TTLL6: variants seen among roughly 807,000 people sequenced by gnomAD.
The protein encoded by TTLL6 is tubulin polyglutamylase TTLL6.
A neutral mutation model predicts 96.4 loss-of-function variants in TTLL6; 75 were observed. The observed-to-expected ratio is 0.78, with a 90% confidence interval of 0.65 to 0.94. TTLL6 has a LOEUF of 0.94. Ranked by LOEUF, TTLL6 falls within the 40% of genes least tolerant of loss-of-function variation. TTLL6 has a pLI of 0.00. For synonymous variants in TTLL6, 411 were observed against 419.4 expected, an observed-to-expected ratio of 0.98 and a Z score of 0.24; for missense variants, 1,030 against 1,093.0, an observed-to-expected ratio of 0.94 and a Z score of 0.81.
chr17:48,782,553 T>A (rs911723972), intron 13 of TTLL6, among the ~76,000 whole-genome samples: 15 of 152,238 alleles, frequency 9.9e-5, no homozygotes, highest in African/African-American at 3.4e-4. Context: ...CATGGTCTCA[T>A]TTGTCTATTT....
chr17:48,809,120 C>T (rs939598331), intron 1 of TTLL6, among the ~76,000 whole-genome samples: 1 of 151,408 alleles, frequency 6.6e-6, no homozygotes, highest in Non-Finnish European at 1.5e-5. Flanking sequence ...AGAATTGTTA[C>T]GTCAGCCAAG....
At chr17:48,778,947 A>G (rs1383179536) in intron 13 of TTLL6, among the ~76,000 whole-genome samples, 1 of 146,856 alleles carries the variant, frequency 6.8e-6, no homozygotes, top group African/African-American at 2.5e-5. Context: ...AAAAAAAAAG[A>G]TTAGCCAGGA....
At position 48,803,923 on chromosome 17, in the gene TTLL6, A is replaced by G; in HGVS notation, c.329T>C (p.Val110Ala). The stretch of plus-strand genomic sequence containing the variant: ...ATACCGGCAGCTGGATAGATTGATC[A>G]CCAATCATCTGGAAAAGAGAAAAAG... ...GKKKRKKKRL[V>A]INLSSCRYES... Residue 110 changes from valine (V) to alanine (A), a missense_variant, in exon 3 of 16, where the codon GTG becomes GCG. By Grantham distance (64) the Val-to-Ala change is moderately conservative. Transcript: ENST00000393382. The G allele has an allele frequency of 6.4e-7, 1 of 1,551,964 alleles. No individual in the cohort carries two copies. Among genetic ancestry groups the G allele is most frequent in the Non-Finnish European group, 8.7e-7 (1 of 1,147,050 alleles).
chr17:48,762,689 C>G lies in TTLL6; in HGVS notation c.*285G>C, dbSNP rs1389612178. The G allele has an allele frequency of 3.8e-6, 1 of 259,790 alleles. No individual in the cohort carries two copies. The highest frequency in any genetic ancestry group is 5.2e-5 in the Admixed American group (1 of 19,196). The allele number at this position is 259,790 out of a possible 1,614,324, so 16.1% of individuals were successfully genotyped here. A position where few individuals can be genotyped will look rare whatever the true frequency, so the allele number is the denominator to read the frequency against. The stretch of plus-strand genomic sequence containing the variant: ...GGATGATGGTGCCATGTGAAGAACC[C>G]AGAGAAGTGCCACTGGTACGGCAAC... On this transcript the variant is annotated 3_prime_UTR_variant, in exon 16 of 16. Coordinates refer to ENST00000393382, the MANE Select transcript of TTLL6 (RefSeq NM_001130918.3).
chr17:48,804,392 G>A (rs755448242), intron 2 of TTLL6: 19 of 487,594 alleles, frequency 3.9e-5, no homozygotes, highest in South Asian at 2.9e-4. Flanking sequence ...GAACTGGAAT[G>A]CACAAGCTGC....
intron 15 of TTLL6, among the ~76,000 whole-genome samples, chr17:48,765,345 G>C (rs1200110933): frequency 2.6e-5 from 4 of 152,130 alleles, no homozygotes; most frequent in Non-Finnish European, 5.9e-5. Context: ...CCTGGAGTTT[G>C]AGATTATAGT....
At chr17:48,788,067 C>T (rs2039142272) in intron 10 of TTLL6, 68 bp from the exon 11 acceptor site, 1 of 1,512,728 alleles carries the variant, frequency 6.6e-7, no homozygotes, top group Non-Finnish European at 9.0e-7. Flanking sequence ...GGGATATGTC[C>T]AAGCTGGAGG....
intron 13 of TTLL6, among the ~76,000 whole-genome samples, chr17:48,782,241 G>C (rs2039001540): frequency 6.6e-6 from 1 of 151,874 alleles, no homozygotes; most frequent in Non-Finnish European, 1.5e-5. Context: ...GAGTAGCTGG[G>C]ATTACAAGCG....
In TTLL6 at chr17:48,796,109, T is replaced by C; in HGVS notation, c.950A>G (p.Asn317Ser). The C allele has an allele frequency of 6.4e-7, 1 of 1,551,562 alleles. No individual in the cohort carries two copies. The highest frequency in any genetic ancestry group is 8.7e-7 in the Non-Finnish European group (1 of 1,146,884). ...TCGACTGAAATTTGAACTGTGCTTA[T>C]TAATGGAATAATTAGTCAGGTGCAT... ...ICMHLTNYSI[N>S]KHSSNFSRDA... The change falls in exon 8 of 16, where the codon AAT becomes AGT. Residue 317 changes from asparagine to serine, a missense_variant. Asn to Ser is a conservative substitution (Grantham distance 46, BLOSUM62 1). Transcript: ENST00000393382.
intron 1 of TTLL6, 38 bp downstream of exon 1, chr17:48,816,932 C>A (rs988320673): frequency 2.7e-5 from 39 of 1,442,262 alleles, no homozygotes; most frequent in Non-Finnish European, 3.6e-5. Flanking sequence ...CAGGAGGCTG[C>A]GGTCTGGAGC....
At chr17:48,791,702 T>C in intron 8 of TTLL6, 99 bp from the exon 9 acceptor site, 1 of 1,046,490 alleles carries the variant, frequency 9.6e-7, no homozygotes, top group Non-Finnish European at 1.4e-6. Context: ...GAGACAAGGC[T>C]CCAGAGCCAG....
rs1487276248 is a variant in TTLL6, at chr17:48,769,767, C to T, written c.2371G>A (p.Ala791Thr). The change falls in exon 14 of 16, where the codon GCT becomes ACT. Residue 791 changes from alanine (A) to threonine (T), a missense_variant. Ala to Thr is a moderately conservative substitution (Grantham distance 58). Transcript: ENST00000393382. ...ATCCCCAGCTTGGGGTTGTAGTGAG[C>T]TGGGAAGAAGGAGAGCTTCCCACTC... ...QLSGKLSFFPAHYNPKLGMNN... is the reference protein window; with the variant it reads ...QLSGKLSFFPTHYNPKLGMNN... 1 of 1,614,196 alleles carries T rather than the reference C, an allele frequency of 6.2e-7. No individual in the cohort carries two copies. The highest frequency in any genetic ancestry group is 1.1e-5 in the South Asian group (1 of 91,090).
At chr17:48,803,695 G>T (rs1375471442) in intron 3 of TTLL6, among the ~76,000 whole-genome samples, 196 bp downstream of exon 3, 1 of 152,204 alleles carries the variant, frequency 6.6e-6, no homozygotes, top group African/African-American at 2.4e-5. Flanking sequence ...ACACACCATT[G>T]TGGTGAAAAC....
chr17:48,789,287 C>T (rs979678285), intron 10 of TTLL6, among the ~76,000 whole-genome samples: 39 of 152,138 alleles, frequency 2.6e-4, no homozygotes, highest in African/African-American at 9.2e-4. Context: ...CTACATTCTG[C>T]CAATATAAAC....
intron 1 of TTLL6, among the ~76,000 whole-genome samples, chr17:48,809,803 C>T (rs1038252682): frequency 1.3e-5 from 2 of 151,976 alleles, no homozygotes; most frequent in African/African-American, 4.8e-5. Flanking sequence ...CAGCAGTGAG[C>T]CATGGCTGCA....
At chr17:48,771,437 T>C (rs2038743412) in intron 13 of TTLL6, among the ~76,000 whole-genome samples, 2 of 152,066 alleles carry the variant, frequency 1.3e-5, no homozygotes, top group Non-Finnish European at 2.9e-5. Flanking sequence ...GAGACCAGCC[T>C]GAGCAACACA....
chr17:48,767,726 T>A (rs2038643637), intron 15 of TTLL6, among the ~76,000 whole-genome samples: 1 of 152,318 alleles, frequency 6.6e-6, no homozygotes, highest in East Asian at 1.9e-4. Flanking sequence ...CCGAAGTTTT[T>A]ACATATGACC....
chr17:48,801,524 C>T lies in TTLL6; in HGVS notation c.480+1G>A, dbSNP rs2039413017. 6.4e-7 allele frequency: 1 copy of T among 1,551,968 alleles called. No individual in the cohort carries two copies. On this transcript the variant is annotated splice_donor_variant, in intron 4 of 15. Coordinates refer to ENST00000393382, the MANE Select transcript of TTLL6 (RefSeq NM_001130918.3). LOFTEE classifies it high-confidence loss of function. ...CCAAGGACCATCACTAGCCCAAATA[C>T]CTGGTAACTTTTCATTTCCATCACC...
At chr17:48,781,631 T>C (rs1050425292) in intron 13 of TTLL6, among the ~76,000 whole-genome samples, 3 of 152,222 alleles carry the variant, frequency 2.0e-5, no homozygotes, top group Admixed American at 2.0e-4. Flanking sequence ...GTCCTTTGTC[T>C]ATTTTTAAAT....
Sources: gnomAD v4.1 joint callset for allele counts (sites outside exome capture counted in the v4.1 genomes callset) on GRCh38, gnomAD v4.1.1 for gene constraint, MANE v1.5 for transcripts, NCBI Gene and HGNC (gene_info 2026-07-23, HGNC 2026-07-21) for gene names.